Variants in FAM24B observed in about 807,000 individuals in gnomAD.
FAM24B encodes protein FAM24B.
In FAM24B, 3 loss-of-function variants were observed where a neutral mutation model predicts 2.3. The observed-to-expected ratio is 1.29, with a 90% CI of 0.59 to 3.32. The LOEUF (loss-of-function observed/expected upper bound fraction) is 3.32. Ranked by LOEUF, FAM24B falls within the 30% of genes most tolerant of loss-of-function variation. FAM24B has a pLI of 0.03. For synonymous variants in FAM24B, 36 were observed against 46.3 expected, an observed-to-expected ratio of 0.78 and a Z score of 0.90; for missense variants, 98 against 117.2, an observed-to-expected ratio of 0.84 and a Z score of 0.76.
At chr10:122,871,010 A>G (rs1847888695) in intron 1 of FAM24B, among the ~76,000 whole-genome samples, 1 of 152,252 alleles carries the variant, frequency 6.6e-6, no homozygotes, top group Non-Finnish European at 1.5e-5. Context: ...CTGTTTGCAG[A>G]GGACATGATT....
intron 2 of FAM24B, among the ~76,000 whole-genome samples, chr10:122,852,369 C>A (rs780300156): frequency 1.3e-5 from 2 of 152,050 alleles, no homozygotes; most frequent in African/African-American, 4.8e-5. Flanking sequence ...TAGGGACTAG[C>A]GGAATATTTA....
chr10:122,857,690 T>C (rs768880225), intron 1 of FAM24B, among the ~76,000 whole-genome samples: 33 of 152,346 alleles, frequency 2.2e-4, no homozygotes, highest in Non-Finnish European at 4.0e-4. Flanking sequence ...GTTTTGTCAT[T>C]TTCTCCAAAG....
intron 1 of FAM24B, among the ~76,000 whole-genome samples, chr10:122,867,488 GCCT>G (rs1252736736): frequency 1.3e-5 from 2 of 152,222 alleles, no homozygotes; most frequent in Non-Finnish European, 2.9e-5. Context: ...CAGGCAGACT[GCCT>G]CCTCAAGTGG....
In FAM24B at chr10:122,849,328, C is replaced by T. The variant is rs1847486483; in HGVS notation, c.204G>A (p.Leu68=). ...ACATTCTATATCCTTCACAGCACTGCAGGGCAGGACAAGACTCCGTGGCAA... is the reference window on the plus strand; with the variant it reads ...ACATTCTATATCCTTCACAGCACTGTAGGGCAGGACAAGACTCCGTGGCAA... The part of the protein sequence containing the change: ...KTIATESCPA[L]QCCEGYRMCA... The change falls in exon 4 of 4, where the codon CTG becomes CTA. Residue 68 remains leucine (L), a synonymous_variant. Coordinates refer to ENST00000368898, the MANE Select transcript of FAM24B (RefSeq NM_152644.3). 1 of 1,613,244 alleles carries T rather than the reference C, an allele frequency of 6.2e-7. No homozygotes were observed. Among genetic ancestry groups the T allele is most frequent in the Non-Finnish European group, 8.5e-7 (1 of 1,179,584 alleles).
chr10:122,861,367 A>G (rs962580906), intron 1 of FAM24B, among the ~76,000 whole-genome samples: 5 of 152,226 alleles, frequency 3.3e-5, no homozygotes, highest in Admixed American at 6.5e-5. Context: ...TGATCACTGT[A>G]GCTTCAAAAT....
intron 2 of FAM24B, among the ~76,000 whole-genome samples, chr10:122,851,650 A>G (rs1847539306): frequency 6.6e-6 from 1 of 152,202 alleles, no homozygotes; most frequent in African/African-American, 2.4e-5. Context: ...TTTAGTTAAG[A>G]GTCTGATTCC....
chr10:122,858,921 T>A (rs186519994), intron 1 of FAM24B, among the ~76,000 whole-genome samples: 1 of 152,280 alleles, frequency 6.6e-6, no homozygotes, highest in African/African-American at 2.4e-5. Context: ...CCTCTAGGGA[T>A]CTGACAATAT....
At chr10:122,869,573 T>C (rs1019508740) in intron 1 of FAM24B, among the ~76,000 whole-genome samples, 51 of 152,178 alleles carry the variant, frequency 3.4e-4, no homozygotes, top group African/African-American at 1.2e-3. Flanking sequence ...ACAGAAATTA[T>C]AACAAACTGT....
In FAM24B at chr10:122,849,296, C is replaced by G; in HGVS notation, c.236G>C (p.Ser79Thr). 1 of 1,593,326 alleles carries G rather than the reference C, an allele frequency of 6.3e-7. No individual in the cohort carries two copies. Among genetic ancestry groups the G allele is most frequent in the South Asian group, 1.1e-5 (1 of 87,570 alleles). ...ACAGCAAGGTGGCAGGGAATCAAAACTGGCACACATTCTATATCCTTCACA... is the reference window on the plus strand; with the variant it reads ...ACAGCAAGGTGGCAGGGAATCAAAAGTGGCACACATTCTATATCCTTCACA... ...QCCEGYRMCA[S>T]FDSLPPCCCD... The change falls in exon 4 of 4, where the codon AGT becomes ACT. Residue 79 changes from serine (S) to threonine (T), a missense_variant. By Grantham distance (58) the Ser-to-Thr change is moderately conservative (BLOSUM62 1). Transcript: ENST00000368898.
intron 1 of FAM24B, among the ~76,000 whole-genome samples, chr10:122,862,903 C>T (rs544704787): frequency 6.6e-6 from 1 of 152,048 alleles, no homozygotes; most frequent in South Asian, 2.1e-4. Context: ...TATTCCCACT[C>T]ACTGTGTGGC....
At chr10:122,853,667 T>C (rs1935051) in intron 2 of FAM24B, among the ~76,000 whole-genome samples, 4,308 of 152,238 alleles carry the variant, frequency 0.028, 85 homozygotes, top group East Asian at 0.07. Context: ...GGCAAGAGGA[T>C]TGGATTGAGC....
intron 2 of FAM24B, among the ~76,000 whole-genome samples, chr10:122,851,320 G>C (rs1279287601): frequency 1.3e-5 from 2 of 152,158 alleles, no homozygotes; most frequent in African/African-American, 4.8e-5. Flanking sequence ...ATCTCATCAC[G>C]AATTTCTCAA....
chr10:122,867,793 G>A (rs965338635), intron 1 of FAM24B, among the ~76,000 whole-genome samples: 11 of 152,092 alleles, frequency 7.2e-5, no homozygotes, highest in African/African-American at 1.4e-4. Context: ...CCATCTGTAC[G>A]TCACCAACAT....
At chr10:122,869,298 C>G (rs1847853282) in intron 1 of FAM24B, among the ~76,000 whole-genome samples, 1 of 152,138 alleles carries the variant, frequency 6.6e-6, no homozygotes, top group Non-Finnish European at 1.5e-5. Context: ...TCCTGAGTGA[C>G]CTACAAAGAG....
At chr10:122,865,918 T>A (rs552650177) in intron 1 of FAM24B, among the ~76,000 whole-genome samples, 50 of 151,904 alleles carry the variant, frequency 3.3e-4, no homozygotes, top group African/African-American at 1.1e-3. Context: ...ATTCTTTTTT[T>A]TTTTTTTGAG....
At chr10:122,870,016 C>G (rs948908840) in intron 1 of FAM24B, among the ~76,000 whole-genome samples, 1 of 151,934 alleles carries the variant, frequency 6.6e-6, no homozygotes, top group Non-Finnish European at 1.5e-5. Flanking sequence ...TTGAAAAGAT[C>G]AACAAAATTG....
intron 1 of FAM24B, 136 bp from the exon 2 acceptor site, chr10:122,855,922 G>A (rs1483619473): frequency 2.0e-5 from 3 of 152,222 alleles, no homozygotes; most frequent in Admixed American, 6.5e-5. Flanking sequence ...TTAAACACCC[G>A]ATAGTAAACT....
intron 1 of FAM24B, among the ~76,000 whole-genome samples, chr10:122,870,746 TA>T (rs1407587868): frequency 6.6e-6 from 1 of 152,180 alleles, no homozygotes; most frequent in Non-Finnish European, 1.5e-5. Flanking sequence ...ACCTTCATGC[TA>T]AAAACTCTCA....
chr10:122,877,557 A>G (rs1464152859), intron 1 of FAM24B, among the ~76,000 whole-genome samples: 1 of 152,212 alleles, frequency 6.6e-6, no homozygotes, highest in Non-Finnish European at 1.5e-5. Context: ...GGGAAGTTGC[A>G]TATCTTATAA....
Sources: gnomAD v4.1 joint callset for allele counts (sites outside exome capture counted in the v4.1 genomes callset) on GRCh38, gnomAD v4.1.1 for gene constraint, MANE v1.5 for transcripts, NCBI Gene and HGNC (gene_info 2026-07-23, HGNC 2026-07-21) for gene names.